The following DGKH variants were observed in gnomAD, a reference collection of about 807,000 sequenced individuals.
DGKH encodes the protein diacylglycerol kinase eta, also known as DAG kinase eta.
DGKH carries 90 observed loss-of-function variants against 159.3 expected under a neutral mutation model. The observed-to-expected ratio is 0.57, with a 90% CI of 0.48 to 0.67. DGKH has a LOEUF of 0.67. DGKH is among the 30% of genes least tolerant of loss of function. DGKH has a pLI of 0.00. For synonymous variants in DGKH, 536 were observed against 553.8 expected (o/e 0.97, Z 0.45); for missense variants, 1,181 against 1,506.1 (o/e 0.78, Z 3.57).
intron 1 of DGKH, among the ~76,000 whole-genome samples, chr13:42,095,908 G>A (rs1461129564): frequency 1.3e-5 from 2 of 152,150 alleles, no homozygotes; most frequent in Admixed American, 6.5e-5. Flanking sequence ...TTATAGAACA[G>A]AGTACTTACA....
rs2296504 is a variant in DGKH, at chr13:42,232,293, G to A, written c.*3105G>A. The A allele has an allele frequency of 0.23, 35,268 of 152,158 alleles. 4,717 individuals carry two copies. Among genetic ancestry groups the A allele is most frequent in the Non-Finnish European group, 0.31 (20,865 of 68,008 alleles). The allele number at this position is 152,158 out of a possible 1,614,324, so 9.4% of individuals were successfully genotyped here. On this transcript the variant is annotated 3_prime_UTR_variant, in exon 30 of 30. Coordinates refer to ENST00000337343, the MANE Select transcript of DGKH (RefSeq NM_178009.5). ...TAGGCTCTTCCTCACCTGGAGGATC[G>A]GGGCTGGTGGGAGGGCAGGGAAGGG... is the stretch of plus-strand genomic sequence containing the variant.
chr13:42,148,151 C>T (rs1458542427), intron 3 of DGKH, among the ~76,000 whole-genome samples: 3 of 152,162 alleles, frequency 2.0e-5, no homozygotes, highest in Non-Finnish European at 2.9e-5. Flanking sequence ...CAAATCTTAC[C>T]TACACATCGT....
chr13:42,135,353 A>G (rs1056696168), intron 3 of DGKH, among the ~76,000 whole-genome samples: 3 of 147,080 alleles, frequency 2.0e-5, no homozygotes, highest in Non-Finnish European at 4.6e-5. Flanking sequence ...GAAAAAATTA[A>G]CTGAGCATCG....
chr13:42,224,240 C>T (rs565766768), intron 29 of DGKH, among the ~76,000 whole-genome samples: 1 of 152,278 alleles, frequency 6.6e-6, no homozygotes, highest in African/African-American at 2.4e-5. Context: ...CTGTTCTGCC[C>T]CTTCTCCAGT....
At position 42,053,911 on chromosome 13, in the gene DGKH, C is replaced by T. The variant is rs376129419; in HGVS notation, c.192+4946C>T. On this transcript the variant is annotated intron_variant, in intron 1 of 29. Coordinates refer to ENST00000337343, the MANE Select transcript of DGKH (RefSeq NM_178009.5). ...CTGGGATTACAGGCGTGAGCCACCA[C>T]GCCTGGCCAAAAACATGTATTTTTA... 5.9e-5 allele frequency among the ~76,000 whole-genome samples: 9 copies of T among 152,188 alleles called. 1 individual carries two copies. The East Asian group carries it at 1.5e-3, about 26-fold the overall frequency.
chr13:42,224,902 A>AT lies in DGKH; in HGVS notation c.3573+3508_3573+3509insT, dbSNP rs1280779614. Among the ~76,000 whole-genome samples the AT allele has an allele frequency of 8.3e-3, 1,175 of 140,932 alleles. 14 individuals are homozygous for AT. The highest frequency in any genetic ancestry group is 0.019 in the African/African-American group (686 of 36,406). The allele number at this position is 140,932 out of a possible 152,430, so 92.5% of individuals were successfully genotyped here. A position where few individuals can be genotyped will look rare whatever the true frequency, so the allele number is the denominator to read the frequency against. ...TCTAAAGTTGGGAAAAGGAAAAAAA[A>AT]AATATATATATATATACATATATTT... On this transcript the variant is annotated intron_variant, in intron 29 of 29. Transcript: ENST00000337343.
intron 1 of DGKH, among the ~76,000 whole-genome samples, chr13:42,112,817 C>T (rs565134703): frequency 3.3e-5 from 5 of 152,264 alleles, no homozygotes; most frequent in South Asian, 4.1e-4. Context: ...GCTTTCCTGG[C>T]GAGGTCAGCG....
intron 26 of DGKH, among the ~76,000 whole-genome samples, chr13:42,217,318 C>T (rs147041465): frequency 3.3e-4 from 50 of 152,254 alleles, no homozygotes; most frequent in Admixed American, 5.9e-4. Flanking sequence ...CTGCTCACTG[C>T]AACCTCAGCC....
upstream of DGKH, among the ~76,000 whole-genome samples, chr13:42,047,362 C>A (rs2324849): frequency 6.6e-6 from 1 of 151,770 alleles, no homozygotes; most frequent in Admixed American, 6.6e-5. Flanking sequence ...TTTGGAGGAA[C>A]CTTAAAGGTC....
chr13:42,172,043 TG>T (rs1194493761), intron 11 of DGKH, among the ~76,000 whole-genome samples: 1 of 152,108 alleles, frequency 6.6e-6, no homozygotes, highest in Non-Finnish European at 1.5e-5. Context: ...TTAGCCAGGA[TG>T]GTCTTGATCT....
intron 3 of DGKH, among the ~76,000 whole-genome samples, chr13:42,146,650 C>T (rs1955741848): frequency 6.6e-6 from 1 of 152,156 alleles, no homozygotes; most frequent in Non-Finnish European, 1.5e-5. Flanking sequence ...TAGGAAAAGC[C>T]AGATGGGAAA....
intron 15 of DGKH, among the ~76,000 whole-genome samples, chr13:42,190,058 A>G (rs1957024536): frequency 6.6e-6 from 1 of 152,226 alleles, no homozygotes; most frequent in Admixed American, 6.5e-5. Flanking sequence ...ATTAATGTGT[A>G]TATTAATACT....
intron 3 of DGKH, among the ~76,000 whole-genome samples, chr13:42,151,653 A>T (rs939676835): frequency 1.3e-5 from 2 of 150,602 alleles, no homozygotes; most frequent in African/African-American, 4.9e-5. Flanking sequence ...AGAATAAAAT[A>T]TATATATATC....
intron 7 of DGKH, among the ~76,000 whole-genome samples, chr13:42,163,263 TG>T (rs1956235778): frequency 6.6e-6 from 1 of 152,072 alleles, no homozygotes; most frequent in Non-Finnish European, 1.5e-5. Context: ...AGTCTATCAT[TG>T]TTGGACATTT....
chr13:42,077,298 T>C (rs1954118908), intron 1 of DGKH, among the ~76,000 whole-genome samples: 1 of 152,142 alleles, frequency 6.6e-6, no homozygotes, highest in South Asian at 2.1e-4. Flanking sequence ...AGATCTCCAC[T>C]TTATTAATAC....
At position 42,232,072 on chromosome 13, in the gene DGKH, C is replaced by T. The variant is rs573937709; in HGVS notation, c.*2884C>T. Reference sequence around the variant, plus strand: ...GCTCTTGTCAGTATCATAAATAATTCCTCTTCTTATAGCGGATGGGGTTAC... The same window carrying T: ...GCTCTTGTCAGTATCATAAATAATTTCTCTTCTTATAGCGGATGGGGTTAC... On this transcript the variant is annotated 3_prime_UTR_variant, in exon 30 of 30. Coordinates refer to ENST00000337343, the MANE Select transcript of DGKH (RefSeq NM_178009.5). 3 of 152,156 alleles carry T rather than the reference C, an allele frequency of 2.0e-5. No homozygotes were observed. Among genetic ancestry groups the T allele is most frequent in the Non-Finnish European group, 4.4e-5 (3 of 68,052 alleles). The allele number at this position is 152,156 out of a possible 1,614,324, so 9.4% of individuals were successfully genotyped here.
At chr13:42,254,370 G>A (rs1373126118) in intron 30 of DGKH, among the ~76,000 whole-genome samples, 2 of 152,168 alleles carry the variant, frequency 1.3e-5, no homozygotes, top group African/African-American at 4.8e-5. Context: ...GCTCATGCCT[G>A]TAATCCCAGC....
intron 20 of DGKH, among the ~76,000 whole-genome samples, chr13:42,201,310 A>G (rs1323624098): frequency 6.6e-6 from 1 of 152,104 alleles, no homozygotes; most frequent in Non-Finnish European, 1.5e-5. Flanking sequence ...CCAAGGACAC[A>G]TAGGAAGTTG....
At chr13:42,190,155 T>A (rs1957026685) in intron 15 of DGKH, among the ~76,000 whole-genome samples, 1 of 152,204 alleles carries the variant, frequency 6.6e-6, no homozygotes, top group African/African-American at 2.4e-5. Flanking sequence ...TAACTTGTAA[T>A]TGTATTTCAT....
Sources: allele counts gnomAD v4.1 joint callset (sites outside exome capture counted in the v4.1 genomes callset), GRCh38; gene constraint gnomAD v4.1.1; transcripts MANE v1.5; gene names NCBI Gene and HGNC (gene_info 2026-07-23, HGNC 2026-07-21).